PLXDC2: variants seen among roughly 807,000 people sequenced by gnomAD.
PLXDC2 encodes plexin domain containing 2, also known as plexin domain-containing protein 2.
PLXDC2 carries 40 observed loss-of-function variants against 68.9 expected under a neutral mutation model. That is an observed-to-expected ratio of 0.58 (90% confidence interval 0.45 to 0.76). PLXDC2 has a LOEUF of 0.76. Ranked by LOEUF, PLXDC2 falls within the 30% of genes least tolerant of loss-of-function variation. The pLI, the probability that PLXDC2 is intolerant of heterozygous loss-of-function variation, is 0.00. For synonymous variants in PLXDC2, 243 were observed against 234.2 expected, an observed-to-expected ratio of 1.04 and a Z score of -0.34; for missense variants, 644 against 661.9, an observed-to-expected ratio of 0.97 and a Z score of 0.30.
intron 1 of PLXDC2, among the ~76,000 whole-genome samples, chr10:19,935,390 A>C (rs984411545): frequency 6.6e-6 from 1 of 152,170 alleles, no homozygotes; most frequent in Non-Finnish European, 1.5e-5. Context: ...CCATACTGCA[A>C]CCTGGCCCAT....
At chr10:19,975,225 C>T (rs975979186) in intron 1 of PLXDC2, among the ~76,000 whole-genome samples, 6 of 152,102 alleles carry the variant, frequency 3.9e-5, no homozygotes, top group South Asian at 2.1e-4. Context: ...GAGGCTGAGG[C>T]GGGCGGATCA....
chr10:20,006,097 A>T (rs1426839410), intron 2 of PLXDC2, among the ~76,000 whole-genome samples: 2 of 152,006 alleles, frequency 1.3e-5, no homozygotes, highest in African/African-American at 4.8e-5. Flanking sequence ...TGAGAATTGC[A>T]TGAGCACGGG....
chr10:19,838,258 C>T (rs561454584), intron 1 of PLXDC2, among the ~76,000 whole-genome samples: 30 of 152,166 alleles, frequency 2.0e-4, no homozygotes, highest in African/African-American at 4.6e-4. Context: ...CCACCATGCC[C>T]GGCTAATATA....
intron 1 of PLXDC2, among the ~76,000 whole-genome samples, chr10:19,846,061 C>G (rs1364665756): frequency 6.6e-6 from 1 of 152,150 alleles, no homozygotes; most frequent in East Asian, 1.9e-4. Flanking sequence ...CTCTTTATTT[C>G]CAGAATAGCC....
chr10:20,089,352 T>C (rs1225951947), intron 4 of PLXDC2, among the ~76,000 whole-genome samples: 1 of 152,138 alleles, frequency 6.6e-6, no homozygotes, highest in Non-Finnish European at 1.5e-5. Flanking sequence ...GGGCTTGTGG[T>C]AGGCTGAGAA....
intron 7 of PLXDC2, among the ~76,000 whole-genome samples, chr10:20,171,657 CA>C (rs1834447734): frequency 6.6e-6 from 1 of 152,056 alleles, no homozygotes; most frequent in East Asian, 1.9e-4. Flanking sequence ...ACTGATTAAT[CA>C]ATTTTTACAT....
At chr10:20,087,208 G>C (rs1412469759) in intron 4 of PLXDC2, among the ~76,000 whole-genome samples, 1 of 152,196 alleles carries the variant, frequency 6.6e-6, no homozygotes, top group Admixed American at 6.5e-5. Context: ...GGTCTACACA[G>C]GCCCCAGAAT....
intron 13 of PLXDC2, among the ~76,000 whole-genome samples, chr10:20,258,220 C>G (rs1317066168): frequency 6.6e-6 from 1 of 151,988 alleles, no homozygotes; most frequent in Non-Finnish European, 1.5e-5. Flanking sequence ...CCAGGCTGGT[C>G]TCAAACTCCT....
At chr10:20,158,075 A>C (rs1051937744) in intron 6 of PLXDC2, among the ~76,000 whole-genome samples, 4 of 151,996 alleles carry the variant, frequency 2.6e-5, no homozygotes, top group African/African-American at 9.7e-5. Flanking sequence ...TAAAAAAAAA[A>C]ACTTCTGTAG....
intron 6 of PLXDC2, among the ~76,000 whole-genome samples, chr10:20,153,284 A>C (rs1484373202): frequency 6.6e-6 from 1 of 152,238 alleles, no homozygotes; most frequent in Non-Finnish European, 1.5e-5. Flanking sequence ...TCATGTATTG[A>C]AAAGAAAGTG....
intron 12 of PLXDC2, among the ~76,000 whole-genome samples, chr10:20,235,250 G>C (rs1220225741): frequency 6.6e-6 from 1 of 152,136 alleles, no homozygotes; most frequent in Non-Finnish European, 1.5e-5. Context: ...TGAGGGAATG[G>C]ATTCCTTCTT....
intron 7 of PLXDC2, 91 bp downstream of exon 7, chr10:20,164,658 A>C: frequency 1.1e-6 from 1 of 941,888 alleles, no homozygotes; most frequent in East Asian, 2.5e-5. Flanking sequence ...CTGAATTAAA[A>C]AAAAAATAGC....
chr10:20,029,588 A>AAAATAAATAAAT (rs1835465212), intron 2 of PLXDC2, among the ~76,000 whole-genome samples: 1 of 152,192 alleles, frequency 6.6e-6, no homozygotes. Flanking sequence ...AAAAAAATAA[A>AAAATAAATAAAT]AAATAAATAA....
chr10:20,058,725 T>C (rs1287319494), intron 3 of PLXDC2, among the ~76,000 whole-genome samples: 1 of 152,198 alleles, frequency 6.6e-6, no homozygotes, highest in African/African-American at 2.4e-5. Context: ...TTGCCCTGTT[T>C]GAGGATCATT....
intron 13 of PLXDC2, among the ~76,000 whole-genome samples, chr10:20,249,588 C>G (rs945604268): frequency 6.6e-6 from 1 of 152,192 alleles, no homozygotes; most frequent in African/African-American, 2.4e-5. Flanking sequence ...CCTCCAGCCT[C>G]CTTTTTGTAA....
chr10:19,890,349 A>G (rs1837931709), intron 1 of PLXDC2, among the ~76,000 whole-genome samples: 4 of 152,158 alleles, frequency 2.6e-5, no homozygotes, highest in South Asian at 4.1e-4. Flanking sequence ...CCCATCACCC[A>G]GGTACTGAGC....
At chr10:20,107,213 C>A (rs1298281701) in intron 4 of PLXDC2, among the ~76,000 whole-genome samples, 1 of 151,848 alleles carries the variant, frequency 6.6e-6, no homozygotes, top group African/African-American at 2.4e-5. Context: ...CATAGGATAG[C>A]ATCTATTACT....
intron 4 of PLXDC2, among the ~76,000 whole-genome samples, chr10:20,142,794 A>T (rs1195501590): frequency 6.6e-6 from 1 of 151,644 alleles, no homozygotes; most frequent in African/African-American, 2.4e-5. Context: ...CCCCCTTTCA[A>T]CTTTCAAGAA....
chr10:20,158,921 T>C (rs1410898532), intron 6 of PLXDC2, among the ~76,000 whole-genome samples: 2 of 152,168 alleles, frequency 1.3e-5, no homozygotes, highest in Admixed American at 1.3e-4. Flanking sequence ...AAATCAGTTT[T>C]TTCAAAATCT....
Sources: allele counts gnomAD v4.1 joint callset (sites outside exome capture counted in the v4.1 genomes callset), GRCh38; gene constraint gnomAD v4.1.1; transcripts MANE v1.5; gene names NCBI Gene and HGNC (gene_info 2026-07-23, HGNC 2026-07-21).